RPS6KC1: variants seen among roughly 807,000 people sequenced by gnomAD.
RPS6KC1 encodes the protein inactive ribosomal protein S6 kinase delta-1.
RPS6KC1 carries 54 observed loss-of-function variants against 103.8 expected under a neutral mutation model. The observed-to-expected ratio is 0.52, with a 90% CI of 0.42 to 0.65. The LOEUF (loss-of-function observed/expected upper bound fraction) is 0.65. RPS6KC1 is among the 30% of genes least tolerant of loss of function. The pLI is 0.00. For missense variants in RPS6KC1, 1,151 were observed against 1,253.8 expected (o/e 0.92, Z 1.24); for synonymous variants, 439 against 438.7 (o/e 1.00, Z -0.01).
At chr1:213,825,336 T>C in the RPS6KC1 span, among the ~76,000 whole-genome samples, 1 of 152,116 alleles carries the variant, frequency 6.6e-6, no homozygotes, top group Non-Finnish European at 1.5e-5. Context: ...TAAACCTGGA[T>C]ACAGAAAGAT....
chr1:213,228,860 G>C (rs1470223873), intron 8 of RPS6KC1, among the ~76,000 whole-genome samples: 3 of 152,170 alleles, frequency 2.0e-5, no homozygotes, highest in African/African-American at 4.8e-5. Flanking sequence ...ATACAGGGTG[G>C]ATAAGAGAAG....
chr1:213,150,520 C>G (rs975726242), intron 6 of RPS6KC1, among the ~76,000 whole-genome samples: 6 of 150,280 alleles, frequency 4.0e-5, no homozygotes, highest in East Asian at 1.9e-4. Flanking sequence ...TGACTCTTAA[C>G]GAGCACGCTG....
chr1:213,448,786 G>A, the RPS6KC1 span, among the ~76,000 whole-genome samples: 4 of 145,908 alleles, frequency 2.7e-5, no homozygotes, highest in South Asian at 2.2e-4. Context: ...AAAAAAAAAG[G>A]AAAAAAATCT....
At chr1:213,295,952 T>A in the RPS6KC1 span, among the ~76,000 whole-genome samples, 2 of 152,224 alleles carry the variant, frequency 1.3e-5, no homozygotes, top group Non-Finnish European at 2.9e-5. Context: ...CAGGTTTTTA[T>A]TAGCCTTTCT....
chr1:213,309,659 G>A, the RPS6KC1 span, among the ~76,000 whole-genome samples: 1 of 152,132 alleles, frequency 6.6e-6, no homozygotes, highest in African/African-American at 2.4e-5. Context: ...AGCCAGAGTT[G>A]TGCTTGATTC....
chr1:213,694,121 G>T, the RPS6KC1 span, among the ~76,000 whole-genome samples: 1 of 152,190 alleles, frequency 6.6e-6, no homozygotes, highest in Non-Finnish European at 1.5e-5. Context: ...GCTAGGAAAG[G>T]CTGGGATCGG....
At chr1:213,341,877 G>A in the RPS6KC1 span, among the ~76,000 whole-genome samples, 2 of 152,192 alleles carry the variant, frequency 1.3e-5, no homozygotes, top group Non-Finnish European at 2.9e-5. Context: ...CAAGATGGTG[G>A]CAATCATCGT....
chr1:213,263,607 T>A (rs1490217794), intron 14 of RPS6KC1, among the ~76,000 whole-genome samples: 1 of 151,696 alleles, frequency 6.6e-6, no homozygotes, highest in South Asian at 2.1e-4. Context: ...AAACATGGAT[T>A]TAAAAAAAAA....
the RPS6KC1 span, among the ~76,000 whole-genome samples, chr1:213,584,576 CT>C: frequency 2.6e-5 from 4 of 152,304 alleles, no homozygotes; most frequent in African/African-American, 9.6e-5. Flanking sequence ...CCTGAAGTGA[CT>C]TTGAAATGCA....
the RPS6KC1 span, among the ~76,000 whole-genome samples, chr1:213,461,118 C>G: frequency 6.6e-6 from 1 of 152,164 alleles, no homozygotes; most frequent in South Asian, 2.1e-4. Context: ...GTGTAAAAAT[C>G]ACAAGAATTC....
the RPS6KC1 span, among the ~76,000 whole-genome samples, chr1:213,799,365 G>A: frequency 1.3e-5 from 2 of 152,102 alleles, no homozygotes; most frequent in Admixed American, 1.3e-4. Flanking sequence ...TGGTGTTTGT[G>A]GCCTTTTTGT....
the RPS6KC1 span, among the ~76,000 whole-genome samples, chr1:213,518,973 A>G: frequency 6.6e-6 from 1 of 152,312 alleles, no homozygotes; most frequent in South Asian, 2.1e-4. Context: ...CAGACGACCC[A>G]TTCATTTTGT....
At chr1:213,627,927 G>A in the RPS6KC1 span, among the ~76,000 whole-genome samples, 4 of 152,202 alleles carry the variant, frequency 2.6e-5, no homozygotes, top group Admixed American at 6.5e-5. Context: ...TCAGGATAAT[G>A]TTGGCCTCAT....
the RPS6KC1 span, among the ~76,000 whole-genome samples, chr1:213,350,990 G>A: frequency 2.0e-5 from 3 of 152,100 alleles, no homozygotes; most frequent in Non-Finnish European, 2.9e-5. Context: ...AATGACTAAT[G>A]TAGCAATTGC....
chr1:213,407,983 G>T, the RPS6KC1 span, among the ~76,000 whole-genome samples: 1 of 152,182 alleles, frequency 6.6e-6, no homozygotes, highest in African/African-American at 2.4e-5. Flanking sequence ...TTTATTGAAT[G>T]AATTCCCATA....
chr1:213,687,822 G>A, the RPS6KC1 span, among the ~76,000 whole-genome samples: 27,232 of 152,236 alleles, frequency 0.18, 2,912 homozygotes, highest in Middle Eastern at 0.32. Flanking sequence ...AGAGAGAGAT[G>A]CCTTTTGGCT....
chr1:213,799,912 T>G, the RPS6KC1 span, among the ~76,000 whole-genome samples: 1 of 152,154 alleles, frequency 6.6e-6, no homozygotes, highest in Non-Finnish European at 1.5e-5. Flanking sequence ...GTTCTGGGAA[T>G]TAAGGTACCA....
At chr1:213,765,727 C>T in the RPS6KC1 span, among the ~76,000 whole-genome samples, 1 of 152,176 alleles carries the variant, frequency 6.6e-6, no homozygotes, top group African/African-American at 2.4e-5. Context: ...TACTCCCCTC[C>T]ACCCTTCCAC....
At chr1:213,576,368 T>TA in the RPS6KC1 span, among the ~76,000 whole-genome samples, 2 of 128,826 alleles carry the variant, frequency 1.6e-5, no homozygotes, top group South Asian at 4.9e-4. Flanking sequence ...TCAGATACTG[T>TA]GGGTTTTTTT....
Sources: allele counts gnomAD v4.1 joint callset (sites outside exome capture counted in the v4.1 genomes callset), GRCh38; gene constraint gnomAD v4.1.1; transcripts MANE v1.5; gene names NCBI Gene and HGNC (gene_info 2026-07-23, HGNC 2026-07-21).